ADAMTS9: variants seen among roughly 807,000 people sequenced by gnomAD.
ADAMTS9 encodes the protein A disintegrin and metalloproteinase with thrombospondin motifs 9.
Under a neutral mutation model 257.1 loss-of-function variants are expected in ADAMTS9, and 107 were observed. The observed-to-expected ratio is 0.42, with a 90% CI of 0.36 to 0.49. The LOEUF (loss-of-function observed/expected upper bound fraction) is 0.49. ADAMTS9 is among the 20% of genes least tolerant of loss of function. The probability of loss-of-function intolerance (pLI) is 0.03; values close to 1 mark genes in which losing one functional copy is unlikely to be tolerated. For synonymous variants in ADAMTS9, 982 were observed against 880.9 expected (o/e 1.11, Z -2.03); for missense variants, 2,353 against 2,469.1 (o/e 0.95, Z 1.00).
intron 8 of ADAMTS9, among the ~76,000 whole-genome samples, chr3:64,653,019 C>A (rs1700971702): frequency 6.6e-6 from 1 of 152,188 alleles, no homozygotes; most frequent in Non-Finnish European, 1.5e-5. Flanking sequence ...ACTTGAGTCC[C>A]ATCCCCAAGA....
chr3:64,581,905 T>G (rs530353286), intron 28 of ADAMTS9, among the ~76,000 whole-genome samples: 8 of 152,312 alleles, frequency 5.3e-5, no homozygotes, highest in African/African-American at 1.9e-4. Context: ...TTGATGACAG[T>G]CTCTTGGGTT....
At chr3:64,531,888 A>G (rs1382758356) in intron 38 of ADAMTS9, among the ~76,000 whole-genome samples, 1 of 152,158 alleles carries the variant, frequency 6.6e-6, no homozygotes, top group Non-Finnish European at 1.5e-5. Flanking sequence ...GCCTGGGTAA[A>G]CTTAGACATT....
intron 11 of ADAMTS9, 140 bp from the exon 12 acceptor site, chr3:64,642,133 T>C: frequency 4.2e-6 from 4 of 951,988 alleles, no homozygotes; most frequent in Non-Finnish European, 6.3e-6. Context: ...TCTATATGAA[T>C]AATGGAAGCT....
At chr3:64,524,356 C>T (rs200612810) in intron 38 of ADAMTS9, among the ~76,000 whole-genome samples, 8 of 151,826 alleles carry the variant, frequency 5.3e-5, no homozygotes, top group Admixed American at 5.2e-4. Flanking sequence ...ACTTGCCTGC[C>T]AAGCCATGAA....
intron 39 of ADAMTS9, among the ~76,000 whole-genome samples, chr3:64,519,878 G>T (rs11713963): frequency 0.7 from 105,543 of 151,548 alleles, 40,544 homozygotes; most frequent in Non-Finnish European, 0.86. Context: ...TCCTAAGAAT[G>T]GGAACAAGAC....
chr3:64,668,611 T>C (rs980081232), intron 3 of ADAMTS9, among the ~76,000 whole-genome samples: 3 of 152,122 alleles, frequency 2.0e-5, no homozygotes, highest in Admixed American at 1.3e-4. Flanking sequence ...TGAAATGACT[T>C]AGTCTACATA....
intron 14 of ADAMTS9, 120 bp from the exon 15 acceptor site, chr3:64,632,045 C>G: frequency 1.3e-6 from 1 of 769,784 alleles, no homozygotes; most frequent in East Asian, 2.7e-5. Context: ...TCCTTTAAAA[C>G]TTGGAAAGGT....
rs780028608 is a variant in ADAMTS9, at chr3:64,622,403, C to T, written c.2556+17G>A. 6.2e-7 allele frequency: 1 copy of T among 1,613,636 alleles called. No individual in the cohort carries two copies. The highest frequency in any genetic ancestry group is 1.7e-5 in the Admixed American group (1 of 59,976). ...AAGCAGAAGAAAAGGGTGGTGGGCT[C>T]ATGGTCAAGTTTTTACCTGAAGCAA... On this transcript the variant is annotated intron_variant, in intron 17 of 39. Coordinates refer to ENST00000498707, the MANE Select transcript of ADAMTS9 (RefSeq NM_182920.2).
chr3:64,659,499 GT>G (rs1223518048), intron 3 of ADAMTS9, among the ~76,000 whole-genome samples: 1 of 149,126 alleles, frequency 6.7e-6, no homozygotes. Context: ...AAAAGGAAAT[GT>G]TTCATATATA....
chr3:64,552,308 T>C (rs1224289396), intron 30 of ADAMTS9, among the ~76,000 whole-genome samples: 5 of 152,206 alleles, frequency 3.3e-5, no homozygotes, highest in Non-Finnish European at 5.9e-5. Context: ...TGTTTTGCTT[T>C]AGCCAACACC....
intron 32 of ADAMTS9, among the ~76,000 whole-genome samples, chr3:64,542,569 A>C (rs893949322): frequency 6.6e-6 from 1 of 151,948 alleles, no homozygotes; most frequent in Non-Finnish European, 1.5e-5. Context: ...CTGGGACTAC[A>C]GGCACGCACC....
intron 3 of ADAMTS9, among the ~76,000 whole-genome samples, chr3:64,679,066 G>T (rs1479986235): frequency 1.3e-5 from 2 of 152,146 alleles, no homozygotes; most frequent in Admixed American, 6.5e-5. Context: ...AACCAAAATA[G>T]ACTTTTATTT....
intron 16 of ADAMTS9, among the ~76,000 whole-genome samples, chr3:64,624,137 G>A (rs894618206): frequency 2.6e-5 from 4 of 151,794 alleles, no homozygotes; most frequent in Non-Finnish European, 5.9e-5. Context: ...ACATTCTGGA[G>A]ATCTAGTATA....
At chr3:64,563,626 C>G (rs2083467892) in intron 29 of ADAMTS9, among the ~76,000 whole-genome samples, 3 of 152,096 alleles carry the variant, frequency 2.0e-5, no homozygotes, top group Admixed American at 6.6e-5. Context: ...CCATAAGTAT[C>G]CAACATTTAA....
chr3:64,561,694 T>A lies in ADAMTS9; in HGVS notation c.4582A>T (p.Thr1528Ser), dbSNP rs2083426231. ...TCGGTCTCTCTGGCTATTTTGTGTG[T>A]TCCGATCTGACAGCCCACATGCCTC... is the stretch of plus-strand genomic sequence containing the variant. ...QQRHVGCQIGTHKIARETECN... is the reference protein window; with the variant it reads ...QQRHVGCQIGSHKIARETECN... Residue 1528 changes from threonine (T) to serine (S), a missense_variant, in exon 30 of 40, where the codon ACA (threonine) becomes TCA (serine). Physicochemically the swap from Thr to Ser is moderately conservative, Grantham distance 58 (BLOSUM62 1). Around this residue, in one of 3 missense-constraint regions of ADAMTS9, gnomAD observed 1,402 missense variants for 1,441.4 expected, o/e 0.97. Transcript: ENST00000498707. 1 of 1,613,980 alleles carries A rather than the reference T, an allele frequency of 6.2e-7. No homozygotes were observed. Among genetic ancestry groups the A allele is most frequent in the Non-Finnish European group, 8.5e-7 (1 of 1,179,986 alleles).
rs1030650605 is a variant in ADAMTS9 at position 64,642,072 on chromosome 3, C to T, written c.1711-79G>A. 21 of 1,492,642 alleles carry T rather than the reference C, an allele frequency of 1.4e-5. No individual in the cohort carries two copies. In the African/African-American group the frequency reaches 1.9e-4, roughly 14 times the overall value. 92.5% of individuals were successfully genotyped at this position (1,492,642 alleles called of 1,614,324 possible). A position where few individuals can be genotyped will look rare whatever the true frequency, so the allele number is the denominator to read the frequency against. On this transcript the variant is annotated intron_variant, in intron 11 of 39. Coordinates refer to ENST00000498707, the MANE Select transcript of ADAMTS9 (RefSeq NM_182920.2). ...GGACTGGCTGTCCTTTTAAACACAC[C>T]ATACTGTAATTCTTTTCCATGTGTG...
chr3:64,561,640 C>G lies in ADAMTS9; in HGVS notation c.4636G>C (p.Glu1546Gln). 6.2e-7 allele frequency: 1 copy of G among 1,614,068 alleles called. No homozygotes were observed. Among genetic ancestry groups the G allele is most frequent in the Non-Finnish European group, 8.5e-7 (1 of 1,180,004 alleles). ...CACCGTGGGCCTTGGCAGTCGCGTT[C>G]CGACTCCGGTCTGGTGTATGGGTTG... is the stretch of plus-strand genomic sequence containing the variant. ...ECNPYTRPES[E>Q]RDCQGPRCPL... Residue 1546 changes from glutamate to glutamine, a missense_variant, in exon 30 of 40, where the codon GAA (glutamate) becomes CAA (glutamine). Around this residue, in one of 3 missense-constraint regions of ADAMTS9, gnomAD observed 1,402 missense variants for 1,441.4 expected, o/e 0.97. Transcript: ENST00000498707.
chr3:64,630,734 A>C (rs1409388308), intron 16 of ADAMTS9, among the ~76,000 whole-genome samples: 1 of 152,184 alleles, frequency 6.6e-6, no homozygotes, highest in Non-Finnish European at 1.5e-5. Flanking sequence ...ACGTTTACCT[A>C]TGTAACAAAC....
chr3:64,567,289 A>G (rs1559767829), intron 29 of ADAMTS9, among the ~76,000 whole-genome samples: 1 of 152,208 alleles, frequency 6.6e-6, no homozygotes, highest in African/African-American at 2.4e-5. Context: ...AATCCATGCT[A>G]GAGCCCGCCA....
Sources: gnomAD v4.1 joint callset for allele counts (sites outside exome capture counted in the v4.1 genomes callset) on GRCh38, gnomAD v4.1.1 for gene constraint, gnomAD v4.1.1 regional missense constraint, MANE v1.5 for transcripts, NCBI Gene and HGNC (gene_info 2026-07-23, HGNC 2026-07-21) for gene names.